NR3C2: variants seen among roughly 807,000 people sequenced by gnomAD.
NR3C2 encodes nuclear receptor subfamily 3 group C member 2.
In NR3C2, 15 loss-of-function variants were observed where a neutral mutation model predicts 86.4. That is an observed-to-expected ratio of 0.17 (90% CI 0.12 to 0.27). The LOEUF (loss-of-function observed/expected upper bound fraction) is 0.27. Ranked by LOEUF, NR3C2 falls within the 10% of genes least tolerant of loss-of-function variation. NR3C2 has a pLI of 1.00. For missense variants in NR3C2, 960 were observed against 1,195.6 expected (o/e 0.80, Z 2.91); for synonymous variants, 458 against 450.5 (o/e 1.02, Z -0.21).
At chr4:148,443,008 G>A, upstream of NR3C2, 2 of 984,192 alleles carry the variant, frequency 2.0e-6, no homozygotes, top group South Asian at 9.4e-5. Flanking sequence ...GTCCGCGCGC[G>A]GGGAGGACTC....
At chr4:148,162,499 G>A (rs1180391510) in intron 4 of NR3C2, among the ~76,000 whole-genome samples, 2 of 152,106 alleles carry the variant, frequency 1.3e-5, no homozygotes, top group African/African-American at 4.8e-5. Flanking sequence ...GGCCAGGCTG[G>A]GGACCTCACT....
rs1744823305 is a variant in NR3C2 at position 148,343,005 on chromosome 4, G to A, written c.1758-82888C>T. On this transcript the variant is annotated intron_variant, in intron 2 of 8. Transcript: ENST00000358102. ...CAGATTTTTAGCCCAATCCCGGAAAGAAAAATATAACCCATTTTGGAGATT... is the reference window on the plus strand; with the variant it reads ...CAGATTTTTAGCCCAATCCCGGAAAAAAAAATATAACCCATTTTGGAGATT... Among the ~76,000 whole-genome samples, 4 of 152,124 alleles carry A rather than the reference G, an allele frequency of 2.6e-5. No homozygotes were observed. The South Asian group carries it at 8.3e-4, about 31-fold the overall frequency.
At chr4:148,330,428 C>G (rs1261358375) in intron 2 of NR3C2, among the ~76,000 whole-genome samples, 1 of 152,224 alleles carries the variant, frequency 6.6e-6, no homozygotes, top group Non-Finnish European at 1.5e-5. Context: ...GAGGTCCCAG[C>G]AGGCTCTCTC....
chr4:148,307,561 G>A (rs1232928866), intron 2 of NR3C2, among the ~76,000 whole-genome samples: 1 of 152,140 alleles, frequency 6.6e-6, no homozygotes, highest in African/African-American at 2.4e-5. Flanking sequence ...TGTATTTTGT[G>A]AATGCCTTTA....
intron 2 of NR3C2, among the ~76,000 whole-genome samples, chr4:148,393,779 A>C (rs527543451): frequency 2.2e-4 from 34 of 152,286 alleles, no homozygotes; most frequent in African/African-American, 7.9e-4. Flanking sequence ...TGGTCTAGAA[A>C]ATCAACATTA....
At chr4:148,269,166 G>A (rs1006502889) in intron 2 of NR3C2, among the ~76,000 whole-genome samples, 1 of 152,096 alleles carries the variant, frequency 6.6e-6, no homozygotes, top group Non-Finnish European at 1.5e-5. Context: ...AGTTAGGCAG[G>A]GAAAGAAGAG....
chr4:148,157,071 C>T (rs931465122), intron 4 of NR3C2, among the ~76,000 whole-genome samples: 5 of 146,760 alleles, frequency 3.4e-5, no homozygotes, highest in African/African-American at 7.6e-5. Context: ...AACCAAACAC[C>T]GCAGGTTCTC....
intron 6 of NR3C2, among the ~76,000 whole-genome samples, chr4:148,125,366 C>G (rs887142138): frequency 2.0e-5 from 3 of 152,164 alleles, no homozygotes; most frequent in Admixed American, 2.0e-4. Flanking sequence ...TGGATTTATG[C>G]AGGGAGCTCT....
At chr4:148,366,224 C>G (rs368189555) in intron 2 of NR3C2, among the ~76,000 whole-genome samples, 1 of 152,158 alleles carries the variant, frequency 6.6e-6, no homozygotes, top group Non-Finnish European at 1.5e-5. Context: ...TATCCACATA[C>G]AAGGATATTA....
At chr4:148,252,708 C>A (rs1739634838) in intron 3 of NR3C2, among the ~76,000 whole-genome samples, 1 of 152,160 alleles carries the variant, frequency 6.6e-6, no homozygotes, top group African/African-American at 2.4e-5. Context: ...AAGCTGAGTG[C>A]CAAATAAGTG....
chr4:148,246,013 A>G (rs1476959580), intron 3 of NR3C2, among the ~76,000 whole-genome samples: 1 of 152,196 alleles, frequency 6.6e-6, no homozygotes, highest in Non-Finnish European at 1.5e-5. Flanking sequence ...TTAGCCATCC[A>G]ATAAGAATGA....
Position 148,371,666 on chromosome 4 carries a change from A to C in NR3C2, c.1757+63438T>G, listed in dbSNP as rs185830257. On this transcript the variant is annotated intron_variant, in intron 2 of 8. Transcript: ENST00000358102. ...TATTCAAAAGCACCCGAAATTTGAA[A>C]TAGATACCAAATTTACACTGTACAC... Among the ~76,000 whole-genome samples the C allele has an allele frequency of 8.8e-4, 134 of 152,272 alleles. 1 individual carries two copies. The highest frequency in any genetic ancestry group is 3.0e-3 in the African/African-American group (126 of 41,554).
chr4:148,399,384 T>C (rs796446026), intron 2 of NR3C2, among the ~76,000 whole-genome samples: 1 of 151,798 alleles, frequency 6.6e-6, no homozygotes, highest in South Asian at 2.1e-4. Context: ...ATTAATTATA[T>C]ATAATACACT....
At chr4:148,165,901 TA>T (rs1734856711) in intron 4 of NR3C2, among the ~76,000 whole-genome samples, 1 of 152,090 alleles carries the variant, frequency 6.6e-6, no homozygotes, top group Non-Finnish European at 1.5e-5. Flanking sequence ...AGTACTAACA[TA>T]AAAAAGGAAA....
At chr4:148,278,569 G>A (rs1037186915) in intron 2 of NR3C2, among the ~76,000 whole-genome samples, 2 of 151,866 alleles carry the variant, frequency 1.3e-5, no homozygotes, top group Admixed American at 6.6e-5. Flanking sequence ...ATACACGTGC[G>A]TGCGCGCGCA....
rs146592484 is a variant in NR3C2 at position 148,079,669 on chromosome 4, C to CCAAA, written c.*1671_*1674dup. On this transcript the variant is annotated 3_prime_UTR_variant, in exon 9 of 9. Transcript: ENST00000358102. Reference sequence around the variant, plus strand: ...AGAAAAGCCATACATTGCATCAGTGCCAAACAAACAGATTAATGAATTAAA... The same window carrying CCAAA: ...AGAAAAGCCATACATTGCATCAGTGCCAAACAAACAAACAGATTAATGAATTAAA... The CCAAA allele has an allele frequency of 1.3e-5, 2 of 152,600 alleles. No individual in the cohort carries two copies. The highest frequency in any genetic ancestry group is 2.1e-4 in the South Asian group (1 of 4,816). The allele number at this position is 152,600 out of a possible 1,614,324, so 9.5% of individuals were successfully genotyped here.
chr4:148,428,323 A>G (rs1240928115), intron 2 of NR3C2, among the ~76,000 whole-genome samples: 1 of 152,232 alleles, frequency 6.6e-6, no homozygotes, highest in Non-Finnish European at 1.5e-5. Context: ...TCATGAGGAA[A>G]CATACCAGAA....
At chr4:148,254,222 T>A (rs1367969909) in intron 3 of NR3C2, among the ~76,000 whole-genome samples, 1 of 152,224 alleles carries the variant, frequency 6.6e-6, no homozygotes, top group African/African-American at 2.4e-5. Flanking sequence ...CTTATCGTTC[T>A]GCTGCATGAA....
chr4:148,265,136 A>G (rs998893666), intron 2 of NR3C2, among the ~76,000 whole-genome samples: 4 of 152,212 alleles, frequency 2.6e-5, no homozygotes. Context: ...GGCAGAAATG[A>G]GTGAAAATTT....
Sources: gnomAD v4.1 joint callset for allele counts (sites outside exome capture counted in the v4.1 genomes callset) on GRCh38, gnomAD v4.1.1 for gene constraint, MANE v1.5 for transcripts, NCBI Gene and HGNC (gene_info 2026-07-23, HGNC 2026-07-21) for gene names.